The following PHLDB2 variants were observed in gnomAD, a reference collection of about 807,000 sequenced individuals.
The protein encoded by PHLDB2 is pleckstrin homology like domain family B member 2, also known as pleckstrin homology-like domain family B member 2.
Under a neutral mutation model 123.6 loss-of-function variants are expected in PHLDB2, and 71 were observed. The ratio of observed to expected loss-of-function variants is 0.57; its 90% confidence interval spans 0.47 to 0.70. The LOEUF (loss-of-function observed/expected upper bound fraction) is 0.70, where lower values mean the gene tolerates loss of function less well. PHLDB2 is among the 30% of genes least tolerant of loss of function. PHLDB2 has a pLI of 0.00. For missense variants in PHLDB2, 1,446 were observed against 1,519.5 expected (o/e 0.95, Z 0.80); for synonymous variants, 547 against 541.6 (o/e 1.01, Z -0.14).
chr3:111,826,970 T>C (rs2062683222), intron 1 of PHLDB2, among the ~76,000 whole-genome samples: 1 of 152,218 alleles, frequency 6.6e-6, no homozygotes, highest in South Asian at 2.1e-4. Context: ...CGACATTTAT[T>C]GAGTTCTTGC....
At chr3:111,818,024 A>T (rs1447379266) in intron 1 of PHLDB2, among the ~76,000 whole-genome samples, 1 of 152,020 alleles carries the variant, frequency 6.6e-6, no homozygotes, top group Non-Finnish European at 1.5e-5. Flanking sequence ...ATTTTTGTTC[A>T]CTAATGTTCA....
chr3:111,935,500 A>AAG (rs1553752027), intron 6 of PHLDB2, among the ~76,000 whole-genome samples: 1 of 145,636 alleles, frequency 6.9e-6, no homozygotes, highest in East Asian at 2.1e-4. Context: ...ATGTGTATAT[A>AAG]AGATAGATAG....
intron 2 of PHLDB2, among the ~76,000 whole-genome samples, chr3:111,898,021 G>A (rs2066967635): frequency 6.6e-6 from 1 of 152,056 alleles, no homozygotes; most frequent in African/African-American, 2.4e-5. Flanking sequence ...ATACTTTATT[G>A]CTTAAAAAAA....
chr3:111,803,878 T>C (rs2061471500), intron 1 of PHLDB2, among the ~76,000 whole-genome samples: 1 of 152,222 alleles, frequency 6.6e-6, no homozygotes, highest in Non-Finnish European at 1.5e-5. Flanking sequence ...CCAAAGCTAA[T>C]GACTTCAGGT....
In PHLDB2 at chr3:111,884,574, G is replaced by T. The variant is rs745732894; in HGVS notation, c.497G>T (p.Gly166Val). ...CATGACAATGTCTACTCTCTTGGAGGGCTGGAAGGTCGGAAGGCATCTGGC... is the reference window on the plus strand; with the variant it reads ...CATGACAATGTCTACTCTCTTGGAGTGCTGGAAGGTCGGAAGGCATCTGGC... ...KSHDNVYSLG[G>V]LEGRKASGSL... The change falls in exon 2 of 18, where the codon GGG becomes GTG. Residue 166 changes from glycine (G) to valine (V), a missense_variant. Coordinates refer to ENST00000431670, the MANE Select transcript of PHLDB2 (RefSeq NM_001134438.2). 2 of 1,614,008 alleles carry T rather than the reference G, an allele frequency of 1.2e-6. No homozygotes were observed. The highest frequency in any genetic ancestry group is 1.7e-6 in the Non-Finnish European group (2 of 1,180,030).
At chr3:111,742,840 A>G (rs958508488) in intron 1 of PHLDB2, among the ~76,000 whole-genome samples, 2 of 152,230 alleles carry the variant, frequency 1.3e-5, no homozygotes. Flanking sequence ...TAGATCCAAT[A>G]AGAAGACATT....
chr3:111,741,203 C>T (rs994006732), intron 1 of PHLDB2, among the ~76,000 whole-genome samples: 15 of 152,196 alleles, frequency 9.9e-5, no homozygotes, highest in African/African-American at 3.6e-4. Flanking sequence ...CTTTCAAAAA[C>T]TCATCTCATA....
At chr3:111,826,285 G>A (rs1004844456) in intron 1 of PHLDB2, among the ~76,000 whole-genome samples, 4 of 151,962 alleles carry the variant, frequency 2.6e-5, no homozygotes, top group African/African-American at 9.7e-5. Context: ...CTCCAGCCTG[G>A]GCAACAGAGC....
At chr3:111,907,650 C>T (rs992144730) in intron 2 of PHLDB2, among the ~76,000 whole-genome samples, 1 of 152,082 alleles carries the variant, frequency 6.6e-6, no homozygotes, top group African/African-American at 2.4e-5. Flanking sequence ...TGCCCACCAC[C>T]GCTCCCAGCT....
intron 1 of PHLDB2, among the ~76,000 whole-genome samples, chr3:111,786,719 C>A (rs979258159): frequency 6.6e-6 from 1 of 152,038 alleles, no homozygotes; most frequent in African/African-American, 2.4e-5. Context: ...TTATCTCACC[C>A]GGGCTACAGT....
At chr3:111,802,769 T>C (rs13062508) in intron 1 of PHLDB2, among the ~76,000 whole-genome samples, 137,401 of 152,206 alleles carry the variant, frequency 0.9, 62,661 homozygotes, top group East Asian at 0.98. Context: ...GCACTAAAAC[T>C]TCCATTTTTT....
rs572927558 is a variant in PHLDB2 at position 111,954,801 on chromosome 3, G to A, written c.2872+772G>A. ...GAAATGTTTATAGTCTATTGAGGAA[G>A]AAAGACACAGAACAGATGATTTCAA... On this transcript the variant is annotated intron_variant, in intron 12 of 17. Transcript: ENST00000431670. 3.3e-5 allele frequency among the ~76,000 whole-genome samples: 5 copies of A among 152,308 alleles called. No individual in the cohort carries two copies. The South Asian group carries it at 8.3e-4, about 25-fold the overall frequency.
Position 111,974,506 on chromosome 3 carries a change from G to A in PHLDB2, c.3705G>A (p.Arg1235=). ...YMVAPSPEAM[R]IWMDVIVTGA... ...TAGCCCCATCGCCAGAAGCCATGCG[G>A]ATCTGGATGGATGTTATAGTTACGG... The change falls in exon 18 of 18, where the codon CGG becomes CGA. Residue 1235 remains arginine (R), a synonymous_variant. Transcript: ENST00000431670. 1 of 1,613,716 alleles carries A rather than the reference G, an allele frequency of 6.2e-7. No homozygotes were observed.
intron 1 of PHLDB2, among the ~76,000 whole-genome samples, chr3:111,861,826 T>C (rs1453308492): frequency 1.3e-5 from 2 of 152,324 alleles, no homozygotes; most frequent in East Asian, 1.9e-4. Context: ...TTAACCAATC[T>C]CTGGTTTTCC....
intron 1 of PHLDB2, among the ~76,000 whole-genome samples, chr3:111,742,635 T>G (rs2059622771): frequency 6.6e-6 from 1 of 152,236 alleles, no homozygotes; most frequent in African/African-American, 2.4e-5. Context: ...ACAAAGGATA[T>G]GAACTCGTCC....
At chr3:111,831,598 A>C (rs1254764553) in intron 1 of PHLDB2, among the ~76,000 whole-genome samples, 1 of 152,174 alleles carries the variant, frequency 6.6e-6, no homozygotes, top group East Asian at 1.9e-4. Flanking sequence ...CCCTATATTT[A>C]ATATGTCTCA....
At chr3:111,895,109 T>G (rs780150834) in intron 2 of PHLDB2, among the ~76,000 whole-genome samples, 165 of 151,946 alleles carry the variant, frequency 1.1e-3, no homozygotes, top group African/African-American at 3.9e-3. Context: ...CTTGGAGAGA[T>G]GGGCAGAAAA....
At chr3:111,816,013 C>A (rs1163527159) in intron 1 of PHLDB2, among the ~76,000 whole-genome samples, 1 of 152,210 alleles carries the variant, frequency 6.6e-6, no homozygotes, top group Admixed American at 6.5e-5. Context: ...AAGCCCCAAG[C>A]CTTAGCAGCT....
chr3:111,935,916 C>CA (rs2069463489), intron 6 of PHLDB2, among the ~76,000 whole-genome samples: 1 of 152,114 alleles, frequency 6.6e-6, no homozygotes, highest in African/African-American at 2.4e-5. Context: ...TCCTTCAATC[C>CA]AATCAGGTTG....
Sources: allele counts gnomAD v4.1 joint callset (sites outside exome capture counted in the v4.1 genomes callset), GRCh38; gene constraint gnomAD v4.1.1; transcripts MANE v1.5; gene names NCBI Gene and HGNC (gene_info 2026-07-23, HGNC 2026-07-21).